Variants in NPHP4 observed in about 807,000 individuals in gnomAD.
The protein encoded by NPHP4 is nephrocystin-4.
A neutral mutation model predicts 155.8 loss-of-function variants in NPHP4; 151 were observed. The ratio of observed to expected loss-of-function variants is 0.97; its 90% CI spans 0.85 to 1.11. NPHP4 has a LOEUF of 1.11. Ranked by LOEUF, NPHP4 falls within the 50% of genes least tolerant of loss-of-function variation. The pLI is 0.00. For missense variants in NPHP4, 1,956 were observed against 1,925.7 expected (o/e 1.02, Z -0.29); for synonymous variants, 845 against 816.8 (o/e 1.03, Z -0.59).
chr1:5,917,838 G>C (rs551102490), intron 11 of NPHP4, among the ~76,000 whole-genome samples: 2 of 152,250 alleles, frequency 1.3e-5, no homozygotes, highest in South Asian at 2.1e-4. Flanking sequence ...CTTCTAACCC[G>C]GGAGGGGGAG....
chr1:5,875,583 C>A (rs567158087), intron 20 of NPHP4, among the ~76,000 whole-genome samples: 6 of 152,248 alleles, frequency 3.9e-5, no homozygotes, highest in African/African-American at 1.4e-4. Context: ...GCAAGCAGCA[C>A]GCTGCCTCAG....
At chr1:5,955,882 G>A (rs35269427) in intron 6 of NPHP4, among the ~76,000 whole-genome samples, 27,328 of 152,060 alleles carry the variant, frequency 0.18, 2,499 homozygotes, top group African/African-American at 0.22. Flanking sequence ...CTAGAAGAGC[G>A]GCTTCTGAAT....
intron 2 of NPHP4, among the ~76,000 whole-genome samples, chr1:5,984,605 A>G (rs970530376): frequency 3.3e-5 from 5 of 152,168 alleles, no homozygotes; most frequent in African/African-American, 4.8e-5. Flanking sequence ...GGAAAAATAA[A>G]TGTAGGTATA....
chr1:5,958,596 G>A (rs1649682282), intron 6 of NPHP4, among the ~76,000 whole-genome samples: 1 of 152,014 alleles, frequency 6.6e-6, no homozygotes, highest in African/African-American at 2.4e-5. Flanking sequence ...TCGGGAGGCT[G>A]AGGGAGGAGG....
chr1:5,875,151 A>C, intron 20 of NPHP4, 51 bp from the exon 21 acceptor site: 1 of 1,408,558 alleles, frequency 7.1e-7, no homozygotes, highest in Non-Finnish European at 9.8e-7. Flanking sequence ...ACTCTCCTCC[A>C]CAAGGGGCTA....
chr1:5,907,495 G>A (rs915429865), intron 12 of NPHP4, among the ~76,000 whole-genome samples: 2 of 152,238 alleles, frequency 1.3e-5, no homozygotes, highest in Non-Finnish European at 2.9e-5. Context: ...AAGCAAGAAA[G>A]GAGAAAGCAT....
intron 19 of NPHP4, among the ~76,000 whole-genome samples, chr1:5,878,735 GCTCC>G (rs1476096003): frequency 6.6e-6 from 1 of 152,172 alleles, no homozygotes; most frequent in African/African-American, 2.4e-5. Flanking sequence ...CTGGGTTCCT[GCTCC>G]CTGACAGCTG....
intron 23 of NPHP4, among the ~76,000 whole-genome samples, chr1:5,869,433 T>C (rs1455358083): frequency 6.6e-6 from 1 of 152,252 alleles, no homozygotes; most frequent in Non-Finnish European, 1.5e-5. Context: ...AGGGCAAGAA[T>C]GGAAACAAGA....
At chr1:5,956,077 G>A (rs963615061) in intron 6 of NPHP4, among the ~76,000 whole-genome samples, 8 of 149,680 alleles carry the variant, frequency 5.3e-5, no homozygotes, top group Admixed American at 3.3e-4. Context: ...GGGGGTGCAG[G>A]GAGGGATGAC....
In NPHP4 at chr1:5,986,282, T is replaced by C; in HGVS notation, c.8A>G (p.Asp3Gly). MN[D>G]WHRIFTQNVL... ...GTTTTGGGTGAAGATCCTGTGCCAGTCGTTCATCCTGCCCGCCTGAGGGTC... is the reference window on the plus strand; with the variant it reads ...GTTTTGGGTGAAGATCCTGTGCCAGCCGTTCATCCTGCCCGCCTGAGGGTC... Residue 3 changes from aspartate (D) to glycine (G), a missense_variant, in exon 2 of 30, where the codon GAC (aspartate) becomes GGC (glycine). By Grantham distance (94) the Asp-to-Gly change is moderately conservative (BLOSUM62 -1). Transcript: ENST00000378156. 1.9e-6 allele frequency: 3 copies of C among 1,613,684 alleles called. No individual in the cohort carries two copies. Among genetic ancestry groups the C allele is most frequent in the Non-Finnish European group, 1.7e-6 (2 of 1,179,762 alleles).
intron 19 of NPHP4, among the ~76,000 whole-genome samples, chr1:5,877,991 G>A (rs978974771): frequency 2.0e-5 from 3 of 152,232 alleles, no homozygotes; most frequent in African/African-American, 4.8e-5. Context: ...TTGGGGTGTC[G>A]GGCGGGGCTG....
intron 16 of NPHP4, among the ~76,000 whole-genome samples, chr1:5,898,321 C>T (rs757715586): frequency 1.1e-4 from 16 of 152,316 alleles, no homozygotes; most frequent in African/African-American, 1.9e-4. Context: ...GGGGAGACCA[C>T]GCCCTCGGCA....
Position 5,865,223 on chromosome 1 carries a change from G to A in NPHP4, c.3695C>T (p.Ser1232Phe). 1 of 1,601,348 alleles carries A rather than the reference G, an allele frequency of 6.2e-7. No homozygotes were observed. The highest frequency in any genetic ancestry group is 8.5e-7 in the Non-Finnish European group (1 of 1,171,880). ...GCAGGAGACATCCACGCGCTGCAGG[G>A]AGTGGAGGTAGACCTGCCACGTCTG... ...PTQTWQVYLH[S>F]LQRVDVSCVA... The change falls in exon 27 of 30, where the codon TCC (serine) becomes TTC (phenylalanine). Residue 1232 changes from serine (S) to phenylalanine (F), a missense_variant. Transcript: ENST00000378156.
intron 16 of NPHP4, among the ~76,000 whole-genome samples, chr1:5,895,183 G>A (rs1644331171): frequency 6.6e-6 from 1 of 152,060 alleles, no homozygotes; most frequent in Non-Finnish European, 1.5e-5. Context: ...GGCCTGTCGT[G>A]GGGTGGGGGA....
chr1:5,900,785 C>T (rs969084156), intron 16 of NPHP4, among the ~76,000 whole-genome samples: 1 of 152,064 alleles, frequency 6.6e-6, no homozygotes, highest in Non-Finnish European at 1.5e-5. Context: ...CATCTCAGCA[C>T]TTTGGGAGGC....
At chr1:5,965,769 G>A (rs1479548520) in intron 5 of NPHP4, among the ~76,000 whole-genome samples, 1 of 152,056 alleles carries the variant, frequency 6.6e-6, no homozygotes, top group African/African-American at 2.4e-5. Flanking sequence ...GCTGCCCAGC[G>A]ATCACCCACC....
Position 5,944,449 on chromosome 1 carries a change from C to T in NPHP4, c.1119+2655G>A, listed in dbSNP as rs976021112. 7.2e-5 allele frequency among the ~76,000 whole-genome samples: 11 copies of T among 152,348 alleles called. No individual in the cohort carries two copies. Among genetic ancestry groups the T allele is most frequent in the South Asian group, 4.1e-4 (2 of 4,834 alleles). ...CCTCTACCACAGCCACCGTCACAGA[C>T]GGCCCCGCCATTGTGCCTTTCTCCT... On this transcript the variant is annotated intron_variant, in intron 9 of 29. Coordinates refer to ENST00000378156, the MANE Select transcript of NPHP4 (RefSeq NM_015102.5). The surrounding 1 kb of genome is among the most constrained non-coding windows in gnomAD (Gnocchi z 4.3).
intron 17 of NPHP4, chr1:5,888,463 A>G: frequency 8.3e-7 from 1 of 1,201,132 alleles, no homozygotes; most frequent in Non-Finnish European, 1.1e-6. Context: ...GCCAGACCTG[A>G]CCCTTCCCTT....
chr1:5,932,654 C>T (rs1284801995), intron 10 of NPHP4, among the ~76,000 whole-genome samples: 1 of 144,224 alleles, frequency 6.9e-6, no homozygotes, highest in Non-Finnish European at 1.5e-5. Context: ...CATTTCATTT[C>T]AGAATTAAAA....
Sources: gnomAD v4.1 joint callset for allele counts (sites outside exome capture counted in the v4.1 genomes callset) on GRCh38, gnomAD v4.1.1 for gene constraint, Gnocchi (gnomAD v3.1) non-coding constraint, MANE v1.5 for transcripts, NCBI Gene and HGNC (gene_info 2026-07-23, HGNC 2026-07-21) for gene names.